ADK: variants seen among roughly 807,000 people sequenced by gnomAD.
ADK encodes the protein N6,N6-dimethyladenosine kinase.
Under a neutral mutation model 44.7 loss-of-function variants are expected in ADK, and 24 were observed. The observed-to-expected ratio is 0.54, with a 90% CI of 0.39 to 0.76. The LOEUF is 0.76. ADK is among the 30% of genes least tolerant of loss of function. ADK has a pLI of 0.00. For missense variants in ADK, 321 were observed against 425.1 expected (o/e 0.76, Z 2.15); for synonymous variants, 128 against 142.6 (o/e 0.90, Z 0.73).
At chr10:74,191,631 T>C (rs1842955159) in intron 1 of ADK, among the ~76,000 whole-genome samples, 1 of 152,166 alleles carries the variant, frequency 6.6e-6, no homozygotes, top group South Asian at 2.1e-4. Flanking sequence ...ATTGCAAAAA[T>C]AGTACAGAAA....
chr10:74,480,810 C>T (rs1348057048), intron 6 of ADK, among the ~76,000 whole-genome samples: 1 of 152,152 alleles, frequency 6.6e-6, no homozygotes, highest in African/African-American at 2.4e-5. Context: ...CATGCTTTTA[C>T]ACCAGCAGCA....
chr10:74,430,753 G>A (rs1844956015), intron 6 of ADK, among the ~76,000 whole-genome samples: 1 of 151,972 alleles, frequency 6.6e-6, no homozygotes, highest in South Asian at 2.1e-4. Context: ...GAAGAGGCCT[G>A]AAGGAAGTGA....
At chr10:74,186,229 T>TCCTTTCACTTCCCCTTCCG (rs1842761276) in intron 1 of ADK, among the ~76,000 whole-genome samples, 1 of 46,816 alleles carries the variant, frequency 2.1e-5, no homozygotes, top group Admixed American at 2.4e-4. Flanking sequence ...TCCCTTCCCC[T>TCCTTTCACTTCCCCTTCCG]CCTTTCCCTT....
At chr10:74,274,751 C>A (rs77695954) in intron 3 of ADK, among the ~76,000 whole-genome samples, 3 of 105,628 alleles carry the variant, frequency 2.8e-5, no homozygotes, top group East Asian at 2.6e-4. Flanking sequence ...TATATATACA[C>A]ACACACATTA....
Position 74,456,719 on chromosome 10 carries a change from C to T in ADK, c.555+58140C>T, listed in dbSNP as rs192690331. On this transcript the variant is annotated intron_variant, in intron 6 of 10. Transcript: ENST00000539909. Reference sequence around the variant, plus strand: ...CACTGAAAACCACCCAACCACTGCTCCTGAATGAATATTAGGTAAATAATG... The same window carrying T: ...CACTGAAAACCACCCAACCACTGCTTCTGAATGAATATTAGGTAAATAATG... Among the ~76,000 whole-genome samples the T allele has an allele frequency of 1.1e-4, 16 of 150,942 alleles. 1 individual carries two copies. In the East Asian group the frequency reaches 2.1e-3, roughly 20 times the overall value.
At chr10:74,515,319 G>T (rs892327989) in intron 6 of ADK, among the ~76,000 whole-genome samples, 1 of 152,140 alleles carries the variant, frequency 6.6e-6, no homozygotes, top group Non-Finnish European at 1.5e-5. Flanking sequence ...TTTGCCAGGG[G>T]TGGGCTCACT....
Position 74,229,391 on chromosome 10 carries a change from C to CTT in ADK, c.194+4820_194+4821dup, listed in dbSNP as rs371346131. ...GTTAGAGACAATAACATCTGGTATG[C>CTT]TTTTTTTTTTTTTTTTTTTTTGGTG... is the stretch of plus-strand genomic sequence containing the variant. On this transcript the variant is annotated intron_variant, in intron 3 of 10. Transcript: ENST00000539909. 8.9e-3 allele frequency among the ~76,000 whole-genome samples: 869 copies of CTT among 97,204 alleles called. 54 individuals carry two copies. The highest frequency in any genetic ancestry group is 0.026 in the East Asian group (91 of 3,552). The allele number at this position is 97,204 out of a possible 152,430, so 63.8% of individuals were successfully genotyped here.
intron 4 of ADK, among the ~76,000 whole-genome samples, chr10:74,381,508 A>G (rs943535764): frequency 2.6e-5 from 4 of 152,214 alleles, no homozygotes; most frequent in Non-Finnish European, 5.9e-5. Flanking sequence ...TGATGATGGA[A>G]AACTGTGGCA....
chr10:74,688,839 C>G (rs776690921), intron 10 of ADK, among the ~76,000 whole-genome samples: 12 of 152,080 alleles, frequency 7.9e-5, no homozygotes, highest in Non-Finnish European at 1.6e-4. Flanking sequence ...TCTGTTGAGC[C>G]CAGGAGGTCA....
chr10:74,269,890 C>G (rs1223021226), intron 3 of ADK, among the ~76,000 whole-genome samples: 2 of 152,010 alleles, frequency 1.3e-5, no homozygotes, highest in Non-Finnish European at 2.9e-5. Context: ...CCCAGCTACT[C>G]GGGAGGCTGA....
chr10:74,345,135 A>G (rs1365312290), intron 4 of ADK, among the ~76,000 whole-genome samples: 1 of 152,204 alleles, frequency 6.6e-6, no homozygotes, highest in East Asian at 1.9e-4. Context: ...CTCTTGTTAT[A>G]TAGGTCTGTT....
chr10:74,327,771 T>G (rs773084243), intron 4 of ADK, among the ~76,000 whole-genome samples: 14 of 152,186 alleles, frequency 9.2e-5, no homozygotes, highest in Non-Finnish European at 1.9e-4. Flanking sequence ...TCTACTATGA[T>G]TGTTTTGTAC....
chr10:74,461,342 G>A (rs1224235948), intron 6 of ADK, among the ~76,000 whole-genome samples: 1 of 152,030 alleles, frequency 6.6e-6, no homozygotes, highest in Non-Finnish European at 1.5e-5. Context: ...AATGGCTTGT[G>A]TAGCCTAATA....
chr10:74,685,031 C>A (rs1433356708), intron 10 of ADK, among the ~76,000 whole-genome samples: 3 of 152,082 alleles, frequency 2.0e-5, no homozygotes, highest in Non-Finnish European at 4.4e-5. Flanking sequence ...GTAGAAACTG[C>A]ATTAGCTACT....
At chr10:74,583,900 G>T (rs938086700) in intron 7 of ADK, among the ~76,000 whole-genome samples, 1 of 152,048 alleles carries the variant, frequency 6.6e-6, no homozygotes, top group Non-Finnish European at 1.5e-5. Flanking sequence ...ACTCATGTCC[G>T]GTCACAGCCC....
In ADK at chr10:74,197,544, A is replaced by G. The variant is rs1203428192; in HGVS notation, c.66-3220A>G. Among the ~76,000 whole-genome samples, 6 of 152,204 alleles carry G rather than the reference A, an allele frequency of 3.9e-5. No homozygotes were observed. The East Asian group carries it at 7.7e-4, about 20-fold the overall frequency. On this transcript the variant is annotated intron_variant, in intron 1 of 10. Coordinates refer to ENST00000539909, the MANE Select transcript of ADK (RefSeq NM_006721.4). ...GTGAAACCCCATTTCTACTACAAAT[A>G]TAAAAATTAGCCAGGCGTGGTGGTG...
intron 4 of ADK, among the ~76,000 whole-genome samples, chr10:74,386,693 A>G (rs560190054): frequency 6.6e-6 from 1 of 152,270 alleles, no homozygotes; most frequent in Admixed American, 6.5e-5. Flanking sequence ...GATCTGGCCT[A>G]CATCTACCTT....
At chr10:74,301,439 G>T (rs1407467549) in intron 3 of ADK, among the ~76,000 whole-genome samples, 1 of 151,266 alleles carries the variant, frequency 6.6e-6, no homozygotes, top group Non-Finnish European at 1.5e-5. Flanking sequence ...GCTTGAACCC[G>T]GGAGGCGGAG....
chr10:74,385,400 A>G (rs975336226), intron 4 of ADK, among the ~76,000 whole-genome samples: 10 of 152,288 alleles, frequency 6.6e-5, no homozygotes, highest in East Asian at 3.9e-4. Flanking sequence ...AATTGAAACC[A>G]TGAGAGTAGA....
Sources: gnomAD v4.1 joint callset for allele counts (sites outside exome capture counted in the v4.1 genomes callset) on GRCh38, gnomAD v4.1.1 for gene constraint, MANE v1.5 for transcripts, NCBI Gene and HGNC (gene_info 2026-07-23, HGNC 2026-07-21) for gene names.